PDE4DIP: variants seen among roughly 807,000 people sequenced by gnomAD.
PDE4DIP encodes the protein myomegalin.
PDE4DIP carries 59 observed loss-of-function variants against 221.4 expected under a neutral mutation model. That is an observed-to-expected ratio of 0.27 (90% confidence interval 0.22 to 0.33). PDE4DIP has a LOEUF of 0.33. Among genes scored for constraint, PDE4DIP ranks in the 10% least tolerant of loss-of-function variants. PDE4DIP has a pLI of 1.00. For missense variants in PDE4DIP, 1,036 were observed against 2,154.2 expected (o/e 0.48, Z 10.28); for synonymous variants, 404 against 815.9 (o/e 0.50, Z 8.60).
exon 44 of PDE4DIP, chr1:149,032,216 A>T: frequency 1.4e-6 from 1 of 725,192 alleles, no homozygotes; most frequent in South Asian, 1.8e-5. Flanking sequence ...CGATTAGCCA[A>T]GGTCCACTTG....
Position 148,975,247 on chromosome 1 carries a change from G to T in PDE4DIP, c.2319+642G>T, listed in dbSNP as rs79993072. Among the ~76,000 whole-genome samples, 104 of 147,032 alleles carry T rather than the reference G, an allele frequency of 7.1e-4. No individual in the cohort carries two copies. In the East Asian group the frequency reaches 0.011, roughly 16 times the overall value. ...AAGCGCTGTGTGATTGCTGCTTAGA[G>T]TTATGACATTAGATCCGTGAAATTA... On this transcript the variant is annotated intron_variant, in intron 17 of 43. Coordinates refer to ENST00000369354, the Ensembl canonical transcript of PDE4DIP.
At chr1:148,987,539 C>T (rs1331814132) in intron 21 of PDE4DIP, among the ~76,000 whole-genome samples, 3 of 152,084 alleles carry the variant, frequency 2.0e-5, no homozygotes, top group Non-Finnish European at 1.5e-5. Flanking sequence ...GGCCCGGTAC[C>T]GAAGGAAAGA....
rs199506507 is a variant in PDE4DIP, at chr1:148,962,181, C to T, written c.889-15C>T. Reference sequence around the variant, plus strand: ...AGTTTACTAACATATTTGATATTCCCTCTCTCATTTTCAGACTGAGGAGTT... The same window carrying T: ...AGTTTACTAACATATTTGATATTCCTTCTCTCATTTTCAGACTGAGGAGTT... On this transcript the variant is annotated splice_polypyrimidine_tract_variant and intron_variant, in intron 7 of 43. Transcript: ENST00000369354. The T allele has an allele frequency of 0.02, 14,654 of 738,738 alleles. 209 individuals are homozygous for T. The highest frequency in any genetic ancestry group is 0.027 in the Non-Finnish European group (11,298 of 415,800). 45.8% of individuals were successfully genotyped at this position (738,738 alleles called of 1,614,324 possible).
At chr1:148,864,975 G>T (rs1617274) in intron 2 of PDE4DIP, among the ~76,000 whole-genome samples, 12 of 137,012 alleles carry the variant, frequency 8.8e-5, no homozygotes, top group African/African-American at 2.4e-4. Context: ...TTCTATCATA[G>T]CCACCAATCT....
intron 5 of PDE4DIP, among the ~76,000 whole-genome samples, chr1:148,946,554 AAAAG>A (rs1553483823): frequency 6.8e-6 from 1 of 146,958 alleles, no homozygotes; most frequent in Non-Finnish European, 1.5e-5. Context: ...AAAAAAAAAA[AAAAG>A]GAAGTACCAT....
chr1:148,923,769 G>A (rs587627865), intron 1 of PDE4DIP, among the ~76,000 whole-genome samples: 1 of 146,334 alleles, frequency 6.8e-6, no homozygotes, highest in East Asian at 1.9e-4. Context: ...CACCGCGCCC[G>A]AGCTGCGGTT....
At chr1:149,022,046 T>C (rs1292656103) in intron 37 of PDE4DIP, among the ~76,000 whole-genome samples, 4 of 150,312 alleles carry the variant, frequency 2.7e-5, no homozygotes, top group Non-Finnish European at 5.9e-5. Flanking sequence ...GTGGTAGAAA[T>C]ATAGGATGAG....
chr1:148,824,435 G>A (rs1164839628), intron 1 of PDE4DIP, among the ~76,000 whole-genome samples: 35 of 137,838 alleles, frequency 2.5e-4, no homozygotes, highest in African/African-American at 8.0e-4. Flanking sequence ...ATCTAATCTC[G>A]GAAGCAACAT....
In PDE4DIP at chr1:149,030,080, C is replaced by A. The variant is rs1376112367; in HGVS notation, c.6953-152C>A. 1,456 of 1,060,830 alleles carry A rather than the reference C, an allele frequency of 1.4e-3. 22 individuals are homozygous for A. In the East Asian group the frequency reaches 0.034, roughly 25 times the overall value. The allele number at this position is 1,060,830 out of a possible 1,614,324, so 65.7% of individuals were successfully genotyped here. A position where few individuals can be genotyped will look rare whatever the true frequency, so the allele number is the denominator to read the frequency against. On this transcript the variant is annotated intron_variant, in intron 42 of 43. Coordinates refer to ENST00000369354, the Ensembl canonical transcript of PDE4DIP. ...CCTCCTGTACCAGGAGCAATTGTGG[C>A]TGCAGAGGGAGGGGAGGACAGGGGG...
intron 4 of PDE4DIP, chr1:148,932,854 G>A (rs1480184935): frequency 8.1e-6 from 2 of 248,090 alleles, no homozygotes; most frequent in African/African-American, 4.6e-5. Flanking sequence ...ATTAGGAGGT[G>A]ATTAAATCAT....
chr1:148,829,015 TAA>T (rs1225609952), intron 1 of PDE4DIP, among the ~76,000 whole-genome samples: 18 of 115,606 alleles, frequency 1.6e-4, no homozygotes, highest in South Asian at 2.8e-4. Context: ...TATTCCTGCA[TAA>T]ACACACACAC....
rs374706868 is a variant in PDE4DIP at position 148,863,520 on chromosome 1, A to AT, written c.289+224dup. On this transcript the variant is annotated intron_variant, in intron 2 of 45. Transcript: ENST00000524974. The stretch of plus-strand genomic sequence containing the variant: ...TATAGACATATGCCTAATTTTTAAT[A>AT]TTTTTTTTTAGAGGTGGGAGTCTTG... Among the ~76,000 whole-genome samples, 5 of 77,670 alleles carry AT rather than the reference A, an allele frequency of 6.4e-5. 1 individual carries two copies. The highest frequency in any genetic ancestry group is 1.9e-4 in the African/African-American group (3 of 15,948). The allele number at this position is 77,670 out of a possible 152,430, so 51.0% of individuals were successfully genotyped here.
intron 2 of PDE4DIP, among the ~76,000 whole-genome samples, chr1:148,867,525 AT>A (rs1441513801): frequency 2.1e-5 from 3 of 142,592 alleles, no homozygotes; most frequent in Non-Finnish European, 4.6e-5. Context: ...AACCTGAAAA[AT>A]TATCGGTAGA....
At chr1:148,920,088 G>GT (rs1320396022) in intron 1 of PDE4DIP, among the ~76,000 whole-genome samples, 2 of 148,904 alleles carry the variant, frequency 1.3e-5, no homozygotes, top group Non-Finnish European at 3.0e-5. Context: ...ATGTATGCTG[G>GT]TATGCTGTCA....
At chr1:148,912,538 ATAGT>A (rs1235622182) in intron 1 of PDE4DIP, among the ~76,000 whole-genome samples, 3 of 109,522 alleles carry the variant, frequency 2.7e-5, no homozygotes, top group African/African-American at 1.3e-4. Flanking sequence ...CTGTTGATAG[ATAGT>A]TCTGTCTATT....
intron 1 of PDE4DIP, among the ~76,000 whole-genome samples, chr1:148,859,832 G>GTGTGTGTGTGTGTA (rs1683365330): frequency 1.8e-5 from 2 of 111,324 alleles, no homozygotes; most frequent in East Asian, 2.2e-4. Context: ...GTGTGTGTAT[G>GTGTGTGTGTGTGTA]TGTGTGTGTG....
At chr1:148,929,706 C>T (rs1241974491) in intron 2 of PDE4DIP, 2 of 156,510 alleles carry the variant, frequency 1.3e-5, no homozygotes, top group East Asian at 3.7e-4. Context: ...GTATGGGATG[C>T]TACCTATTAT....
exon 19 of PDE4DIP, chr1:148,978,332 A>T: frequency 6.2e-7 from 1 of 1,612,424 alleles, no homozygotes; most frequent in Non-Finnish European, 8.5e-7. Flanking sequence ...GGAACGCCTG[A>T]CCCAGGAAGT....
intron 17 of PDE4DIP, among the ~76,000 whole-genome samples, chr1:148,976,190 T>C (rs1470634691): frequency 6.6e-6 from 1 of 152,262 alleles, no homozygotes; most frequent in Non-Finnish European, 1.5e-5. Context: ...ATCATGAAAT[T>C]GTAATGCCTA....
Sources: allele counts gnomAD v4.1 joint callset (sites outside exome capture counted in the v4.1 genomes callset), GRCh38; gene constraint gnomAD v4.1.1; transcripts MANE v1.5; gene names NCBI Gene and HGNC (gene_info 2026-07-23, HGNC 2026-07-21).